TROAP: variants seen among roughly 807,000 people sequenced by gnomAD.
TROAP encodes the protein tastin.
TROAP carries 62 observed loss-of-function variants against 83.4 expected under a neutral mutation model. The ratio of observed to expected loss-of-function variants is 0.74; its 90% CI spans 0.61 to 0.92. TROAP has a LOEUF of 0.92. TROAP is among the 40% of genes least tolerant of loss of function. The probability of loss-of-function intolerance (pLI) is 0.00; values close to 1 mark genes in which losing one functional copy is unlikely to be tolerated. For synonymous variants in TROAP, 352 were observed against 386.4 expected (o/e 0.91, Z 1.04); for missense variants, 876 against 985.1 (o/e 0.89, Z 1.48).
Position 49,323,892 on chromosome 12 carries a change from T to C in TROAP, c.192T>C (p.Asp64=). ...TCAATATTCAACGCCCCCTCGTTGA[T>C]TCAGCAGGCCCCAGGCCGAAAGCCA... is the stretch of plus-strand genomic sequence containing the variant. ...PPLNIQRPLV[D]SAGPRPKARH... is the part of the protein sequence containing the mutation. The change falls in exon 3 of 15, where the codon GAT becomes GAC. Residue 64 remains aspartate, a synonymous_variant. Coordinates refer to ENST00000257909, the MANE Select transcript of TROAP (RefSeq NM_005480.4). 1 of 1,614,044 alleles carries C rather than the reference T, an allele frequency of 6.2e-7. No homozygotes were observed. Among genetic ancestry groups the C allele is most frequent in the East Asian group, 2.2e-5 (1 of 44,874 alleles).
At position 49,329,793 on chromosome 12, in the gene TROAP, A is replaced by T; in HGVS notation, c.1165-64A>T. On this transcript the variant is annotated intron_variant, in intron 11 of 14. Transcript: ENST00000257909. The surrounding 1 kb of genome is among the most constrained non-coding windows in gnomAD (Gnocchi z 4.5). ...TCAATCCATTCCTCATGAGGGTGGGACTCAGGCTGGTCTTTCTCCTGCCCC... is the reference window on the plus strand; with the variant it reads ...TCAATCCATTCCTCATGAGGGTGGGTCTCAGGCTGGTCTTTCTCCTGCCCC... 1 of 1,586,376 alleles carries T rather than the reference A, an allele frequency of 6.3e-7. No homozygotes were observed. The highest frequency in any genetic ancestry group is 1.2e-5 in the South Asian group (1 of 85,352).
chr12:49,324,307 G>A, intron 3 of TROAP: 3 of 1,002,486 alleles, frequency 3.0e-6, no homozygotes, highest in Admixed American at 1.8e-5. Flanking sequence ...AGGAGTTGGA[G>A]ACCAGCCTGG....
chr12:49,329,850 G>A lies in TROAP; in HGVS notation c.1165-7G>A. 6.2e-7 allele frequency: 1 copy of A among 1,613,566 alleles called. No homozygotes were observed. The highest frequency in any genetic ancestry group is 8.5e-7 in the Non-Finnish European group (1 of 1,179,712). On this transcript the variant is annotated splice_region_variant and splice_polypyrimidine_tract_variant and intron_variant, in intron 11 of 14. Coordinates refer to ENST00000257909, the MANE Select transcript of TROAP (RefSeq NM_005480.4). The surrounding 1 kb of genome is among the most constrained non-coding windows in gnomAD (Gnocchi z 4.5). Reference sequence around the variant, plus strand: ...GCTTGCTTGTGTGCCTTGTTCCTTGGTGACAGGAGCAGGTTGCCGTCCGGT... The same window carrying A: ...GCTTGCTTGTGTGCCTTGTTCCTTGATGACAGGAGCAGGTTGCCGTCCGGT...
At position 49,325,051 on chromosome 12, in the gene TROAP, C is replaced by T. The variant is rs559743224; in HGVS notation, c.338-450C>T. Among the ~76,000 whole-genome samples, 232 of 151,806 alleles carry T rather than the reference C, an allele frequency of 1.5e-3. 2 individuals carry two copies. The highest frequency in any genetic ancestry group is 5.1e-3 in the African/African-American group (212 of 41,398). ...TCAGCCTCCTGAGTAGCTGGTACTA[C>T]AGGCGCGCGCCACCAGGTCCAGCTA... On this transcript the variant is annotated intron_variant, in intron 3 of 14. Coordinates refer to ENST00000257909, the MANE Select transcript of TROAP (RefSeq NM_005480.4).
rs1238737683 is a variant in TROAP, at chr12:49,325,585, T to C, written c.422T>C (p.Leu141Pro). The C allele has an allele frequency of 6.2e-7, 1 of 1,613,904 alleles. No individual in the cohort carries two copies. Among genetic ancestry groups the C allele is most frequent in the Non-Finnish European group, 8.5e-7 (1 of 1,179,978 alleles). The change falls in exon 4 of 15, where the codon CTG becomes CCG. Residue 141 changes from leucine (L) to proline (P), a missense_variant. Leu to Pro is a moderately conservative substitution (Grantham distance 98, BLOSUM62 -3). This residue lies in a region of TROAP where 689 missense variants were observed against 722.6 expected (regional missense o/e 0.95). Transcript: ENST00000257909. Reference sequence around the variant, plus strand: ...GGTGAGGGTGTGAAGAGCTGTCACCTGGGGCGCCAGCCTAGTCTGGCTAAA... The same window carrying C: ...GGTGAGGGTGTGAAGAGCTGTCACCCGGGGCGCCAGCCTAGTCTGGCTAAA... The part of the protein sequence containing the change: ...LSGEGVKSCH[L>P]GRQPSLAKRV...
intron 7 of TROAP, among the ~76,000 whole-genome samples, 166 bp downstream of exon 7, chr12:49,326,886 T>C (rs575030184): frequency 3.1e-4 from 47 of 152,174 alleles, no homozygotes; most frequent in Admixed American, 1.1e-3. Context: ...AGGCCAGCGA[T>C]TGGCACAGTT....
chr12:49,324,178 C>G, intron 3 of TROAP, 141 bp downstream of exon 3: 1 of 1,614,168 alleles, frequency 6.2e-7, no homozygotes, highest in Non-Finnish European at 8.5e-7. Flanking sequence ...TCCTGGAAAG[C>G]TCTTTGCTCT....
chr12:49,327,463 GT>G, intron 8 of TROAP, 133 bp downstream of exon 8: 1 of 1,264,646 alleles, frequency 7.9e-7, no homozygotes, highest in Non-Finnish European at 1.1e-6. Context: ...TACTGGGTAG[GT>G]TTACCCCAGA....
In TROAP at chr12:49,325,955, G is replaced by A. The variant is rs186800206; in HGVS notation, c.633+71G>A. 44 of 1,604,418 alleles carry A rather than the reference G, an allele frequency of 2.7e-5. No homozygotes were observed. In the Admixed American group the frequency reaches 5.7e-4, roughly 21 times the overall value. The stretch of plus-strand genomic sequence containing the variant: ...TTCCAGGGACAAAGCTGGGCTCTGG[G>A]AGAAGAGGTACCTCATGATGAGGCA... On this transcript the variant is annotated intron_variant, in intron 5 of 14. Coordinates refer to ENST00000257909, the MANE Select transcript of TROAP (RefSeq NM_005480.4).
intron 14 of TROAP, 49 bp downstream of exon 14, chr12:49,331,456 G>T: frequency 1.2e-6 from 2 of 1,608,234 alleles, no homozygotes; most frequent in South Asian, 1.1e-5. Flanking sequence ...TGAGCCTGAT[G>T]GGAGGTGGGG....
At position 49,326,146 on chromosome 12, in the gene TROAP, C is replaced by A. The variant is rs150201368; in HGVS notation, c.704C>A (p.Ala235Asp). 22 of 1,613,882 alleles carry A rather than the reference C, an allele frequency of 1.4e-5. No individual in the cohort carries two copies. In the African/African-American group the frequency reaches 2.3e-4, roughly 17 times the overall value. Residue 235 changes from alanine to aspartate, a missense_variant, in exon 6 of 15, where the codon GCT (alanine) becomes GAT (aspartate). Coordinates refer to ENST00000257909, the MANE Select transcript of TROAP (RefSeq NM_005480.4). ...PSFQELRRET[A>D]GSSRTSVSQA... ...TTCCAGGAGCTAAGAAGGGAGACAG[C>A]TGGCAGCAGCCGGTGAGAAAGGAGA...
At position 49,330,268 on chromosome 12, in the gene TROAP, A is replaced by G; in HGVS notation, c.1423A>G (p.Ile475Val). 24 of 1,614,050 alleles carry G rather than the reference A, an allele frequency of 1.5e-5. No individual in the cohort carries two copies. Among genetic ancestry groups the G allele is most frequent in the Non-Finnish European group, 2.0e-5 (24 of 1,179,980 alleles). The change falls in exon 13 of 15, where the codon ATT becomes GTT. Residue 475 changes from isoleucine (I) to valine (V), a missense_variant. By Grantham distance (29) the Ile-to-Val change is conservative. Coordinates refer to ENST00000257909, the MANE Select transcript of TROAP (RefSeq NM_005480.4). ...MVELQPLLTE[I>V]SRTLNATEHN... ...TGAACTTCAGCCCCTGCTGACTGAG[A>G]TTTCTAGAACTCTGAATGCCACAGA... is the stretch of plus-strand genomic sequence containing the variant.
intron 12 of TROAP, 46 bp downstream of exon 12, chr12:49,330,037 T>A (rs1433958419): frequency 4.3e-6 from 7 of 1,610,798 alleles, no homozygotes; most frequent in Non-Finnish European, 5.1e-6. Context: ...GAACAGTGAC[T>A]GGGCTGAGGA....
rs2303613 is a variant in TROAP, at chr12:49,325,716, G to A, written c.496-31G>A. ...GGGGGCACTGAGGGGGGCATCCTGA[G>A]CAGTGCTGACAGCCTCTGTTGGTGT... On this transcript the variant is annotated intron_variant, in intron 4 of 14. Transcript: ENST00000257909. 111 of 1,613,130 alleles carry A rather than the reference G, an allele frequency of 6.9e-5. No individual in the cohort carries two copies. In the East Asian group the frequency reaches 2.3e-3, roughly 34 times the overall value.
At position 49,330,774 on chromosome 12, in the gene TROAP, A is replaced by G; in HGVS notation, c.1929A>G (p.Ala643=). 6.2e-7 allele frequency: 1 copy of G among 1,614,044 alleles called. No homozygotes were observed. The highest frequency in any genetic ancestry group is 8.5e-7 in the Non-Finnish European group (1 of 1,179,990). ...PGPCPRVELG[A]SEPCTLEHRS... is the part of the protein sequence containing the mutation. ...CCTGCCCTAGGGTAGAGCTGGGGGCATCAGAGCCCTGCACCCTGGAACATA... is the reference window on the plus strand; with the variant it reads ...CCTGCCCTAGGGTAGAGCTGGGGGCGTCAGAGCCCTGCACCCTGGAACATA... The change falls in exon 13 of 15, where the codon GCA becomes GCG. Residue 643 remains alanine, a synonymous_variant. Transcript: ENST00000257909.
chr12:49,331,536 G>T, intron 14 of TROAP, 37 bp from the exon 15 acceptor site: 1 of 1,614,172 alleles, frequency 6.2e-7, no homozygotes, highest in Non-Finnish European at 8.5e-7. Context: ...ACAGTGCAAG[G>T]TTGGCTGAGC....
rs369233120 is a variant in TROAP, at chr12:49,331,204, T to C, written c.2099-10T>C. 3.2e-5 allele frequency: 52 copies of C among 1,613,990 alleles called. No homozygotes were observed. The highest frequency in any genetic ancestry group is 4.2e-5 in the Non-Finnish European group (50 of 1,180,032). ...CCCAGACCTCCCTCTAAATTTTCCATGCCCCTCAGGCCTCAGCAATCTGGC... is the reference window on the plus strand; with the variant it reads ...CCCAGACCTCCCTCTAAATTTTCCACGCCCCTCAGGCCTCAGCAATCTGGC... On this transcript the variant is annotated splice_polypyrimidine_tract_variant and intron_variant, in intron 13 of 14. Coordinates refer to ENST00000257909, the MANE Select transcript of TROAP (RefSeq NM_005480.4).
intron 3 of TROAP, 189 bp downstream of exon 3, chr12:49,324,226 G>A (rs760654432): frequency 4.3e-6 from 7 of 1,611,648 alleles, no homozygotes; most frequent in South Asian, 1.1e-5. Flanking sequence ...ATGTCATCTC[G>A]CCAGGTGCCA....
In TROAP at chr12:49,325,911, C is replaced by T. The variant is rs112396234; in HGVS notation, c.633+27C>T. 1.3e-3 allele frequency: 2,031 copies of T among 1,607,836 alleles called. 25 individuals are homozygous for T. In the African/African-American group the frequency reaches 0.023, roughly 18 times the overall value. ...TGAGTGCCCTTGAGGGGCTGATAGTCGGTGCTTCTGGGAGCTCCTTCCAGG... is the reference window on the plus strand; with the variant it reads ...TGAGTGCCCTTGAGGGGCTGATAGTTGGTGCTTCTGGGAGCTCCTTCCAGG... On this transcript the variant is annotated intron_variant, in intron 5 of 14. Transcript: ENST00000257909.
Sources: allele counts gnomAD v4.1 joint callset (sites outside exome capture counted in the v4.1 genomes callset), GRCh38; gene constraint gnomAD v4.1.1; regional missense constraint gnomAD v4.1.1; non-coding constraint Gnocchi (gnomAD v3.1); transcripts MANE v1.5; gene names NCBI Gene and HGNC (gene_info 2026-07-23, HGNC 2026-07-21).